The following ALKBH8 variants were observed in gnomAD, a reference collection of about 807,000 sequenced individuals.
ALKBH8 encodes alkB homolog 8, tRNA methyltransferase, also known as tRNA (carboxymethyluridine(34)-5-O)-methyltransferase ALKBH8.
In ALKBH8, 36 loss-of-function variants were observed where a neutral mutation model predicts 59.8. The ratio of observed to expected loss-of-function variants is 0.60; its 90% confidence interval spans 0.46 to 0.79. The LOEUF (loss-of-function observed/expected upper bound fraction) is 0.79, where lower values mean the gene tolerates loss of function less well. Among genes scored for constraint, ALKBH8 ranks in the 30% least tolerant of loss-of-function variants. The probability of loss-of-function intolerance (pLI) is 0.00; values close to 1 mark genes in which losing one functional copy is unlikely to be tolerated. For synonymous variants in ALKBH8, 276 were observed against 273.6 expected, an observed-to-expected ratio of 1.01 and a Z score of -0.09; for missense variants, 768 against 801.0, an observed-to-expected ratio of 0.96 and a Z score of 0.50.
At chr11:107,510,852 T>C in intron 11 of ALKBH8, 35 bp downstream of exon 11, 2 of 1,545,262 alleles carry the variant, frequency 1.3e-6, no homozygotes, top group Non-Finnish European at 1.7e-6. Flanking sequence ...CTGCTTTAGC[T>C]ACAAGTTCTT....
chr11:107,553,362 T>C (rs1864574083), intron 4 of ALKBH8, among the ~76,000 whole-genome samples, 159 bp from the exon 5 acceptor site: 1 of 152,180 alleles, frequency 6.6e-6, no homozygotes, highest in Non-Finnish European at 1.5e-5. Flanking sequence ...TGCCTTATAT[T>C]TGTTGTTATT....
At chr11:107,528,332 A>G (rs886876116) in intron 8 of ALKBH8, among the ~76,000 whole-genome samples, 11 of 152,048 alleles carry the variant, frequency 7.2e-5, no homozygotes, top group Admixed American at 2.0e-4. Context: ...AAAACAAAGT[A>G]GGAGAATGGC....
At chr11:107,536,358 T>G (rs776949738) in intron 7 of ALKBH8, among the ~76,000 whole-genome samples, 5 of 152,206 alleles carry the variant, frequency 3.3e-5, no homozygotes, top group Non-Finnish European at 7.3e-5. Context: ...TTCTTATTCA[T>G]GTTACTTCCC....
rs564034412 is a variant in ALKBH8 at position 107,526,667 on chromosome 11, C to T, written c.879-1075G>A. ...TTTGGCTACCTCAAGGTCACAAAAA[C>T]AGTTTTTTATAAAGTTTCTTTTAGA... On this transcript the variant is annotated intron_variant, in intron 8 of 11. Coordinates refer to ENST00000428149, the MANE Select transcript of ALKBH8 (RefSeq NM_138775.3). Among the ~76,000 whole-genome samples, 33 of 151,994 alleles carry T rather than the reference C, an allele frequency of 2.2e-4. No individual in the cohort carries two copies. The South Asian group carries it at 6.4e-3, about 30-fold the overall frequency.
At chr11:107,524,076 G>A (rs1431732687) in intron 9 of ALKBH8, among the ~76,000 whole-genome samples, 2 of 151,386 alleles carry the variant, frequency 1.3e-5, no homozygotes, top group Non-Finnish European at 2.9e-5. Flanking sequence ...TTTTCGTTTT[G>A]AGACAGGGTC....
intron 7 of ALKBH8, among the ~76,000 whole-genome samples, chr11:107,545,542 A>AAC (rs1478123180): frequency 1.3e-5 from 2 of 152,226 alleles, no homozygotes; most frequent in Non-Finnish European, 2.9e-5. Flanking sequence ...TTCTATAGCA[A>AAC]ACATTCAGCA....
At chr11:107,533,433 TGAAAATTC>T (rs1263560282) in intron 7 of ALKBH8, among the ~76,000 whole-genome samples, 6 of 152,184 alleles carry the variant, frequency 3.9e-5, no homozygotes, top group Non-Finnish European at 8.8e-5. Context: ...ATAATACACA[TGAAAATTC>T]TCTGTAAACT....
chr11:107,522,403 GC>G lies in ALKBH8; in HGVS notation c.1182del (p.Trp394CysfsTer8), dbSNP rs1863153720. 1 of 1,551,712 alleles carries G rather than the reference GC, an allele frequency of 6.4e-7. No individual in the cohort carries two copies. ...GHFSSTRHTP[W>X]PHIVEFLKAL... ...GCCTTCAAAAACTCCACAATGTGCG[GC>G]CAAGGGGTATGTCTTGTGCTGCTGA... On this transcript the variant is annotated frameshift_variant, in exon 10 of 12. Coordinates refer to ENST00000428149, the MANE Select transcript of ALKBH8 (RefSeq NM_138775.3). LOFTEE classifies it high-confidence loss of function.
intron 10 of ALKBH8, among the ~76,000 whole-genome samples, chr11:107,521,083 CAG>C: frequency 6.6e-6 from 1 of 152,168 alleles, no homozygotes; most frequent in Admixed American, 6.5e-5. Context: ...AATTTTGTAT[CAG>C]AGACTTGAAC....
chr11:107,544,057 T>C (rs1336248108), intron 7 of ALKBH8, among the ~76,000 whole-genome samples: 1 of 152,224 alleles, frequency 6.6e-6, no homozygotes, highest in Non-Finnish European at 1.5e-5. Flanking sequence ...CAACTGGTAG[T>C]TTCATCTATA....
chr11:107,549,723 T>C, intron 7 of ALKBH8, 30 bp downstream of exon 7: 2 of 1,448,876 alleles, frequency 1.4e-6, no homozygotes, highest in African/African-American at 1.4e-5. Flanking sequence ...GTAAGATATA[T>C]GATGATAGCT....
At chr11:107,508,067 G>A (rs957351729) in intron 11 of ALKBH8, among the ~76,000 whole-genome samples, 1 of 151,952 alleles carries the variant, frequency 6.6e-6, no homozygotes, top group African/African-American at 2.4e-5. Context: ...ATAAATAAAT[G>A]CTGCCTCCTC....
intron 11 of ALKBH8, among the ~76,000 whole-genome samples, chr11:107,509,783 T>C (rs992479894): frequency 2.0e-5 from 3 of 152,220 alleles, no homozygotes; most frequent in African/African-American, 4.8e-5. Flanking sequence ...GACAGATTTC[T>C]AAGACGATCA....
intron 7 of ALKBH8, among the ~76,000 whole-genome samples, chr11:107,535,323 T>A (rs954750529): frequency 6.6e-6 from 1 of 152,218 alleles, no homozygotes; most frequent in African/African-American, 2.4e-5. Context: ...CTTCAAGGAA[T>A]CTCCACATTG....
At chr11:107,562,271 C>T (rs1212786514) in intron 1 of ALKBH8, among the ~76,000 whole-genome samples, 1 of 150,300 alleles carries the variant, frequency 6.7e-6, no homozygotes, top group East Asian at 1.9e-4. Context: ...TACACTCCAG[C>T]CTGGCAACAG....
At chr11:107,525,302 A>G in intron 9 of ALKBH8, 139 bp downstream of exon 9, 1 of 672,470 alleles carries the variant, frequency 1.5e-6, no homozygotes, top group Non-Finnish European at 2.2e-6. Flanking sequence ...AAAGTGCATG[A>G]AAGTGCAATA....
At chr11:107,546,109 T>TA (rs1864241901) in intron 7 of ALKBH8, among the ~76,000 whole-genome samples, 1 of 152,220 alleles carries the variant, frequency 6.6e-6, no homozygotes, top group Non-Finnish European at 1.5e-5. Flanking sequence ...AATTGTTAAA[T>TA]AAAATTTTTC....
At chr11:107,547,461 G>A (rs1373120193) in intron 7 of ALKBH8, among the ~76,000 whole-genome samples, 1 of 152,126 alleles carries the variant, frequency 6.6e-6, no homozygotes, top group Non-Finnish European at 1.5e-5. Flanking sequence ...TACACCTGAA[G>A]GAGCCTTTAC....
At position 107,525,341 on chromosome 11, in the gene ALKBH8, A is replaced by C. The variant is rs532755412; in HGVS notation, c.1030+100T>G. ...GGCAAAATACAGGAAATGCCATTAG[A>C]GAGATTCAGAAAAAGCTCTCCTAGG... is the stretch of plus-strand genomic sequence containing the variant. On this transcript the variant is annotated intron_variant, in intron 9 of 11. Coordinates refer to ENST00000428149, the MANE Select transcript of ALKBH8 (RefSeq NM_138775.3). The C allele has an allele frequency of 2.4e-5, 26 of 1,095,836 alleles. No homozygotes were observed. The African/African-American group carries it at 3.8e-4, about 16-fold the overall frequency. 67.9% of individuals were successfully genotyped at this position (1,095,836 alleles called of 1,614,324 possible). A position where few individuals can be genotyped will look rare whatever the true frequency, so the allele number is the denominator to read the frequency against.
Sources: gnomAD v4.1 joint callset for allele counts (sites outside exome capture counted in the v4.1 genomes callset) on GRCh38, gnomAD v4.1.1 for gene constraint, MANE v1.5 for transcripts, NCBI Gene and HGNC (gene_info 2026-07-23, HGNC 2026-07-21) for gene names.